Variants in WDR59 observed in about 807,000 individuals in gnomAD.
WDR59 encodes GATOR2 complex protein WDR59.
WDR59 carries 100 observed loss-of-function variants against 131.2 expected under a neutral mutation model. That is an observed-to-expected ratio of 0.76 (90% confidence interval 0.65 to 0.90). The LOEUF (loss-of-function observed/expected upper bound fraction) is 0.90. Among genes scored for constraint, WDR59 ranks in the 40% least tolerant of loss-of-function variants. The pLI, the probability that WDR59 is intolerant of heterozygous loss-of-function variation, is 0.00. For synonymous variants in WDR59, 601 were observed against 466.2 expected (o/e 1.29, Z -3.72); for missense variants, 1,203 against 1,262.2 (o/e 0.95, Z 0.71).
rs963769764 is a variant in WDR59, at chr16:74,915,974, T to C, written c.1120A>G (p.Arg374Gly). The C allele has an allele frequency of 3.7e-6, 6 of 1,614,054 alleles. No individual in the cohort carries two copies. Among genetic ancestry groups the C allele is most frequent in the African/African-American group, 2.7e-5 (2 of 74,930 alleles). Residue 374 changes from arginine (R) to glycine (G), a missense_variant, in exon 13 of 26, where the codon AGA becomes GGA. Transcript: ENST00000262144. ...GATTTCCTCTCTTCCAGGAGATTTC[T>C]AGGGGGATCTTCTTTTAGGGCTAGC... ...EEEALKEDPP[R>G]NLLEERKSDQ... is the part of the protein sequence containing the mutation.
intron 14 of WDR59, among the ~76,000 whole-genome samples, chr16:74,910,120 C>G (rs1192538497): frequency 1.3e-5 from 2 of 151,800 alleles, no homozygotes; most frequent in Non-Finnish European, 2.9e-5. Context: ...GGCGCCCACC[C>G]CCATGCCTGG....
chr16:74,981,811 A>G (rs1451244767), intron 1 of WDR59, among the ~76,000 whole-genome samples: 1 of 142,322 alleles, frequency 7.0e-6, no homozygotes, highest in Admixed American at 6.9e-5. Flanking sequence ...GCATGCCACT[A>G]TGGTCGGCTA....
chr16:74,935,957 A>C (rs1196871637), intron 8 of WDR59, among the ~76,000 whole-genome samples: 1 of 151,620 alleles, frequency 6.6e-6, no homozygotes, highest in East Asian at 1.9e-4. Flanking sequence ...AGATCGCGCC[A>C]CTGCACTCCA....
At chr16:74,899,935 G>A (rs972354727) in intron 18 of WDR59, among the ~76,000 whole-genome samples, 2 of 152,046 alleles carry the variant, frequency 1.3e-5, no homozygotes, top group Non-Finnish European at 2.9e-5. Flanking sequence ...AGCGGAATTC[G>A]GCTTCCCTCA....
At chr16:74,899,769 G>A (rs752036704) in intron 18 of WDR59, 66 of 1,288,702 alleles carry the variant, frequency 5.1e-5, no homozygotes, top group Non-Finnish European at 6.4e-5. Context: ...GCATGAAAAC[G>A]TTACACCCAG....
rs142414131 is a variant in WDR59 at position 74,945,535 on chromosome 16, T to C, written c.446-2709A>G. On this transcript the variant is annotated intron_variant, in intron 6 of 25. Coordinates refer to ENST00000262144, the MANE Select transcript of WDR59 (RefSeq NM_030581.4). ...AAGTAACAAAGTCAGGAGAATGTGATTGAGGCATCTGTAGACCACCTGTAT... is the reference window on the plus strand; with the variant it reads ...AAGTAACAAAGTCAGGAGAATGTGACTGAGGCATCTGTAGACCACCTGTAT... Among the ~76,000 whole-genome samples the C allele has an allele frequency of 7.1e-3, 1,079 of 151,996 alleles. 11 individuals carry two copies. The highest frequency in any genetic ancestry group is 0.024 in the African/African-American group (1,010 of 41,498).
chr16:74,905,614 G>A (rs1035739817), intron 17 of WDR59, among the ~76,000 whole-genome samples: 1 of 151,654 alleles, frequency 6.6e-6, no homozygotes, highest in Non-Finnish European at 1.5e-5. Flanking sequence ...CCTGAGAGGT[G>A]GAGCTTGCAG....
chr16:74,883,748 G>A (rs551093110), intron 25 of WDR59, among the ~76,000 whole-genome samples: 2 of 152,140 alleles, frequency 1.3e-5, no homozygotes, highest in East Asian at 1.9e-4. Flanking sequence ...AAGGCCCAGC[G>A]CAGATGGCCT....
chr16:74,886,366 G>A lies in WDR59; in HGVS notation c.2450C>T (p.Pro817Leu). The A allele has an allele frequency of 1.9e-6, 3 of 1,613,798 alleles. No homozygotes were observed. The highest frequency in any genetic ancestry group is 3.3e-5 in the Admixed American group (2 of 60,006). Residue 817 changes from proline to leucine, a missense_variant, in exon 24 of 26, where the codon CCT becomes CTT. Transcript: ENST00000262144. Reference protein sequence around the residue: ...AGREAEHLSSPWGESSPEELR... With the variant: ...AGREAEHLSSLWGESSPEELR... ...CTCTTCTGGTGAGGATTCTCCCCAA[G>A]GGGAGGACAAGTGCTCTGCCTCTCT...
chr16:74,897,782 T>C (rs1315828211), intron 18 of WDR59, among the ~76,000 whole-genome samples: 3 of 152,202 alleles, frequency 2.0e-5, no homozygotes, highest in African/African-American at 7.2e-5. Flanking sequence ...CAAAAATCTC[T>C]AAGGGGCTGC....
chr16:74,939,787 A>G (rs1162890873), intron 7 of WDR59, among the ~76,000 whole-genome samples: 1 of 152,156 alleles, frequency 6.6e-6, no homozygotes, highest in Non-Finnish European at 1.5e-5. Flanking sequence ...CCAAAAGTCA[A>G]GACCAGCCTG....
chr16:74,927,354 G>C (rs1416739014), intron 8 of WDR59, among the ~76,000 whole-genome samples: 1 of 152,032 alleles, frequency 6.6e-6, no homozygotes, highest in Non-Finnish European at 1.5e-5. Context: ...TTGGGAAGCT[G>C]AGGTAGGCAG....
chr16:74,930,846 T>C (rs1162084113), intron 8 of WDR59: 1 of 133,154 alleles, frequency 7.5e-6, no homozygotes, highest in Non-Finnish European at 1.5e-5. Flanking sequence ...TGAGCTGAGA[T>C]TGTGCCACAA....
In WDR59 at chr16:74,915,907, G is replaced by A. The variant is rs771604677; in HGVS notation, c.1187C>T (p.Ser396Phe). 2 of 1,614,204 alleles carry A rather than the reference G, an allele frequency of 1.2e-6. No individual in the cohort carries two copies. Among genetic ancestry groups the A allele is most frequent in the East Asian group, 2.2e-5 (1 of 44,892 alleles). ...ATTCCGGATTTGCACATTGATCAGG[G>A]AGAATTCCTGCTGCAAGGTCTGAGG... ...GLPQTLQQEF[S>F]LINVQIRNVN... The change falls in exon 13 of 26, where the codon TCC becomes TTC. Residue 396 changes from serine to phenylalanine, a missense_variant. Transcript: ENST00000262144.
chr16:74,960,472 A>G (rs928155441), intron 2 of WDR59, among the ~76,000 whole-genome samples: 1 of 151,466 alleles, frequency 6.6e-6, no homozygotes, highest in Non-Finnish European at 1.5e-5. Flanking sequence ...GAGGTCAGGT[A>G]CGTGGTTCAC....
chr16:74,886,190 A>AAAAAAAAAAAAT, intron 24 of WDR59, 80 bp downstream of exon 24: 3 of 1,448,724 alleles, frequency 2.1e-6, no homozygotes, highest in Non-Finnish European at 2.8e-6. Context: ...AAAAAAAAAA[A>AAAAAAAAAAAAT]GTAAGAGTTG....
intron 13 of WDR59, 90 bp from the exon 14 acceptor site, chr16:74,912,452 G>A: frequency 7.5e-7 from 1 of 1,338,754 alleles, no homozygotes; most frequent in Non-Finnish European, 1.0e-6. Flanking sequence ...CCATGTTCCT[G>A]GTAATTGAAT....
chr16:74,958,618 A>AAAAAAAAAAAAAAAAAAAAAAAAAAC (rs2033417819), intron 2 of WDR59, among the ~76,000 whole-genome samples: 1 of 143,604 alleles, frequency 7.0e-6, no homozygotes, highest in African/African-American at 2.5e-5. Flanking sequence ...AAAAAAAAAA[A>AAAAAAAAAAAAAAAAAAAAAAAAAAC]AACAAGCTAA....
At chr16:74,934,858 G>C (rs1217684263) in intron 8 of WDR59, among the ~76,000 whole-genome samples, 1 of 149,840 alleles carries the variant, frequency 6.7e-6, no homozygotes, top group East Asian at 2.1e-4. Context: ...GAAGAGCCTT[G>C]GTCAAAAAAG....
Sources: gnomAD v4.1 joint callset for allele counts (sites outside exome capture counted in the v4.1 genomes callset) on GRCh38, gnomAD v4.1.1 for gene constraint, MANE v1.5 for transcripts, NCBI Gene and HGNC (gene_info 2026-07-23, HGNC 2026-07-21) for gene names.